The following SIGLEC12 variants were observed in gnomAD, a reference collection of about 807,000 sequenced individuals.
SIGLEC12 encodes sialic acid-binding Ig-like lectin 12.
SIGLEC12 carries 43 observed loss-of-function variants against 54.1 expected under a neutral mutation model. The ratio of observed to expected loss-of-function variants is 0.80; its 90% CI spans 0.62 to 1.03. SIGLEC12 has a LOEUF of 1.03. Among genes scored for constraint, SIGLEC12 ranks in the 50% least tolerant of loss-of-function variants. SIGLEC12 has a pLI of 0.00. For synonymous variants in SIGLEC12, 357 were observed against 307.6 expected (o/e 1.16, Z -1.68); for missense variants, 802 against 735.2 (o/e 1.09, Z -1.05).
At position 51,491,498 on chromosome 19, in the gene SIGLEC12, C is replaced by T. The variant is rs541991188; in HGVS notation, c.*143G>A. ...AAAGGGAGAGTTTGGTCATCAGGCA[C>T]GCATTTTCAGTTTGACAAGAGGAAT... On this transcript the variant is annotated 3_prime_UTR_variant, in exon 8 of 8. Transcript: ENST00000291707. The T allele has an allele frequency of 2.0e-5, 16 of 788,208 alleles. No homozygotes were observed. Among genetic ancestry groups the T allele is most frequent in the Non-Finnish European group, 2.4e-5 (12 of 490,724 alleles). The allele number at this position is 788,208 out of a possible 1,614,324, so 48.8% of individuals were successfully genotyped here. A position where few individuals can be genotyped will look rare whatever the true frequency, so the allele number is the denominator to read the frequency against.
At chr19:51,497,650 T>G (rs2864097) in intron 5 of SIGLEC12, among the ~76,000 whole-genome samples, 39,161 of 152,126 alleles carry the variant, frequency 0.26, 5,590 homozygotes, top group African/African-American at 0.39. Context: ...TTTGATTAGT[T>G]TTCACCATGG....
intron 7 of SIGLEC12, among the ~76,000 whole-genome samples, chr19:51,496,235 T>C (rs1990237564): frequency 6.6e-6 from 1 of 152,198 alleles, no homozygotes; most frequent in African/African-American, 2.4e-5. Flanking sequence ...TTTGGGAAGC[T>C]GAGGCAGGCG....
rs1365366660 is a variant in SIGLEC12 at position 51,498,227 on chromosome 19, A to G, written c.1196T>C (p.Leu399Pro). ...GGGATTGCTGTCGACAGCACAGACA[A>G]GGTGCAGGGACTGGCCCTCCAGGAC... ...LSVLEGQSLH[L>P]VCAVDSNPPA... Residue 399 changes from leucine (L) to proline (P), a missense_variant, in exon 5 of 8, where the codon CTT becomes CCT. Transcript: ENST00000291707. 6.2e-7 allele frequency: 1 copy of G among 1,614,116 alleles called. No homozygotes were observed. The highest frequency in any genetic ancestry group is 8.5e-7 in the Non-Finnish European group (1 of 1,179,958).
chr19:51,497,564 A>C, intron 5 of SIGLEC12, 119 bp from the exon 6 acceptor site: 1 of 679,382 alleles, frequency 1.5e-6, no homozygotes, highest in Non-Finnish European at 2.5e-6. Flanking sequence ...GACAGAAAGA[A>C]CAAGGACGGA....
chr19:51,500,820 C>T (rs3826667), intron 1 of SIGLEC12, among the ~76,000 whole-genome samples: 130,516 of 151,506 alleles, frequency 0.86, 56,862 homozygotes, highest in African/African-American at 0.94. Context: ...CCTTGGTTTG[C>T]GCCAGGAAGT....
chr19:51,497,571 C>T (rs56273355), intron 5 of SIGLEC12, 126 bp from the exon 6 acceptor site: 21,060 of 639,766 alleles, frequency 0.033, 514 homozygotes, highest in Middle Eastern at 0.094. Flanking sequence ...AGAACAAGGA[C>T]GGAAGGGAAC....
At chr19:51,497,219 C>A in intron 6 of SIGLEC12, 130 bp downstream of exon 6, 1 of 918,194 alleles carries the variant, frequency 1.1e-6, no homozygotes, top group South Asian at 1.6e-5. Context: ...TCTTACCATG[C>A]ACCCATGACC....
chr19:51,499,299 G>T, intron 3 of SIGLEC12, 82 bp from the exon 4 acceptor site: 3 of 1,586,888 alleles, frequency 1.9e-6, no homozygotes, highest in Non-Finnish European at 2.6e-6. Flanking sequence ...CCATAAATGG[G>T]GAAGGTGGAG....
At position 51,501,466 on chromosome 19, in the gene SIGLEC12, G is replaced by A. The variant is rs763705267; in HGVS notation, c.268C>T (p.Arg90Trp). ...NPARAVQEET[R>W]DRFHLLGDPQ... is the part of the protein sequence containing the mutation. ...TCCCCAAGGAGGTGGAATCGGTCCCGAGTCTCCTCCTGCACTGCTCGAGCT... is the reference window on the plus strand; with the variant it reads ...TCCCCAAGGAGGTGGAATCGGTCCCAAGTCTCCTCCTGCACTGCTCGAGCT... The change falls in exon 1 of 8, where the codon CGG becomes TGG. Residue 90 changes from arginine (R) to tryptophan (W), a missense_variant. Physicochemically the swap from Arg to Trp is moderately radical, Grantham distance 101. Transcript: ENST00000291707. 3.1e-6 allele frequency: 5 copies of A among 1,614,200 alleles called. No individual in the cohort carries two copies. Among genetic ancestry groups the A allele is most frequent in the Admixed American group, 1.7e-5 (1 of 60,032 alleles).
rs367674561 is a variant in SIGLEC12 at position 51,499,873 on chromosome 19, G to A, written c.808+47C>T. 77 of 1,567,320 alleles carry A rather than the reference G, an allele frequency of 4.9e-5. 1 individual carries two copies. In the South Asian group the frequency reaches 8.0e-4, roughly 16 times the overall value. Reference sequence around the variant, plus strand: ...GGGTCCCACCTCAGCCCTACCCTGCGGCCCTCGGGCCTTCCCCTCTGGCTG... The same window carrying A: ...GGGTCCCACCTCAGCCCTACCCTGCAGCCCTCGGGCCTTCCCCTCTGGCTG... On this transcript the variant is annotated intron_variant, in intron 2 of 7. Coordinates refer to ENST00000291707, the MANE Select transcript of SIGLEC12 (RefSeq NM_053003.4).
chr19:51,498,884 G>A (rs1990313622), intron 4 of SIGLEC12, among the ~76,000 whole-genome samples: 1 of 152,216 alleles, frequency 6.6e-6, no homozygotes, highest in Non-Finnish European at 1.5e-5. Flanking sequence ...ATAAAAGGAT[G>A]AGGCAATATT....
rs757540765 is a variant in SIGLEC12 at position 51,491,833 on chromosome 19, A to C, written c.1600-4T>G. 41 of 1,549,528 alleles carry C rather than the reference A, an allele frequency of 2.6e-5. No homozygotes were observed. Among genetic ancestry groups the C allele is most frequent in the Non-Finnish European group, 3.6e-5 (41 of 1,151,494 alleles). ...CCGGGGATTCAATCAGGGGTCCCTGAATGGAGGAAGAGAAGGGAGTCAGTG... is the reference window on the plus strand; with the variant it reads ...CCGGGGATTCAATCAGGGGTCCCTGCATGGAGGAAGAGAAGGGAGTCAGTG... On this transcript the variant is annotated splice_polypyrimidine_tract_variant and splice_region_variant and intron_variant, in intron 7 of 7. Transcript: ENST00000291707.
chr19:51,501,426 T>A lies in SIGLEC12; in HGVS notation c.308A>T (p.Asp103Val), dbSNP rs778514663. 5 of 1,614,120 alleles carry A rather than the reference T, an allele frequency of 3.1e-6. No individual in the cohort carries two copies. The highest frequency in any genetic ancestry group is 4.2e-6 in the Non-Finnish European group (5 of 1,180,052). ...FHLLGDPQNK[D>V]CTLSIRDTRE... Reference sequence around the variant, plus strand: ...GGTGTCTCTGATGCTCAGGGTACAATCCTTGTTCTGTGGGTCCCCAAGGAG... The same window carrying A: ...GGTGTCTCTGATGCTCAGGGTACAAACCTTGTTCTGTGGGTCCCCAAGGAG... Residue 103 changes from aspartate (D) to valine (V), a missense_variant, in exon 1 of 8, where the codon GAT (aspartate) becomes GTT (valine). Asp to Val is a radical substitution (Grantham distance 152). Transcript: ENST00000291707.
chr19:51,497,098 G>A (rs1231586943), intron 6 of SIGLEC12, 122 bp from the exon 7 acceptor site: 1 of 1,493,534 alleles, frequency 6.7e-7, no homozygotes, highest in Non-Finnish European at 9.2e-7. Flanking sequence ...GAGGGGAGTG[G>A]TCCCATTCCA....
intron 5 of SIGLEC12, among the ~76,000 whole-genome samples, chr19:51,497,689 G>A (rs55638762): frequency 3.3e-5 from 5 of 152,292 alleles, no homozygotes; most frequent in East Asian, 1.9e-4. Context: ...TTTAATTTTC[G>A]AAAAGATAAT....
chr19:51,499,996 C>G lies in SIGLEC12; in HGVS notation c.732G>C (p.Gly244=). 6.2e-7 allele frequency: 1 copy of G among 1,614,166 alleles called. No individual in the cohort carries two copies. The highest frequency in any genetic ancestry group is 8.5e-7 in the Non-Finnish European group (1 of 1,180,022). ...CTCTCTCCACCTGGAAGTAGTACTT[C>G]CCTGAATCCCCCTTCCTGGCATCTC... ...SIRDARKGDS[G]KYYFQVERGS... is the part of the protein sequence containing the mutation. The change falls in exon 2 of 8, where the codon GGG becomes GGC. Residue 244 remains glycine, a synonymous_variant. Transcript: ENST00000291707.
Position 51,496,905 on chromosome 19 carries a change from T to C in SIGLEC12, c.1574A>G (p.Asn525Ser). ...GVGDTGMEDANAVRGSASQGP... is the reference protein window; with the variant it reads ...GVGDTGMEDASAVRGSASQGP... The stretch of plus-strand genomic sequence containing the variant: ...CTGAGAGGCTGAGCCCCTGACAGCG[T>C]TTGCGTCCTCCATGCCTGTATCCCC... The change falls in exon 7 of 8, where the codon AAC (asparagine) becomes AGC (serine). Residue 525 changes from asparagine to serine, a missense_variant. Transcript: ENST00000291707. 3.1e-6 allele frequency: 5 copies of C among 1,613,956 alleles called. No homozygotes were observed. Among genetic ancestry groups the C allele is most frequent in the Non-Finnish European group, 4.2e-6 (5 of 1,179,990 alleles).
rs144437495 is a variant in SIGLEC12 at position 51,499,466 on chromosome 19, C to T, written c.1059G>A (p.Met353Ile). ...QVTLPGAGVT[M>I]TRAVRLNISY... Reference sequence around the variant, plus strand: ...ATATGTTGAGTCGGACAGCCCTGGTCATGGTCACGCCGGCCCCAGGCAAGG... The same window carrying T: ...ATATGTTGAGTCGGACAGCCCTGGTTATGGTCACGCCGGCCCCAGGCAAGG... The change falls in exon 3 of 8, where the codon ATG (methionine) becomes ATA (isoleucine). Residue 353 changes from methionine (M) to isoleucine (I), a missense_variant. Transcript: ENST00000291707. 3.8e-6 allele frequency: 6 copies of T among 1,599,324 alleles called. No individual in the cohort carries two copies. Among genetic ancestry groups the T allele is most frequent in the African/African-American group, 2.7e-5 (2 of 74,266 alleles).
intron 7 of SIGLEC12, 102 bp downstream of exon 7, chr19:51,496,778 G>A (rs1023199790): frequency 2.6e-4 from 343 of 1,343,816 alleles, no homozygotes; most frequent in Admixed American, 4.7e-4. Flanking sequence ...GTGATTTTTC[G>A]GCTGTAGGGG....
Sources: allele counts gnomAD v4.1 joint callset (sites outside exome capture counted in the v4.1 genomes callset), GRCh38; gene constraint gnomAD v4.1.1; transcripts MANE v1.5; gene names NCBI Gene and HGNC (gene_info 2026-07-23, HGNC 2026-07-21).